ACACA: variants seen among roughly 807,000 people sequenced by gnomAD.
ACACA encodes acetyl-CoA carboxylase alpha.
Under a neutral mutation model 296.1 loss-of-function variants are expected in ACACA, and 103 were observed. That is an observed-to-expected ratio of 0.35 (90% confidence interval 0.30 to 0.41). The LOEUF (loss-of-function observed/expected upper bound fraction) is 0.41. Ranked by LOEUF, ACACA falls within the 10% of genes least tolerant of loss-of-function variation. ACACA has a pLI of 1.00. For synonymous variants in ACACA, 953 were observed against 1,038.6 expected (o/e 0.92, Z 1.58); for missense variants, 1,554 against 2,989.7 (o/e 0.52, Z 11.20).
At chr17:37,305,750 G>C (rs4572453) in intron 3 of ACACA, among the ~76,000 whole-genome samples, 56,506 of 151,976 alleles carry the variant, frequency 0.37, 14,214 homozygotes, top group African/African-American at 0.71. Context: ...AAACTCCCTT[G>C]AACCACAGCA....
chr17:37,348,167 A>AT (rs1247372088), intron 1 of ACACA, among the ~76,000 whole-genome samples: 157 of 151,230 alleles, frequency 1.0e-3, no homozygotes, highest in African/African-American at 3.5e-3. Context: ...AAAAAAAAAA[A>AT]ATTTAAAGTG....
chr17:37,359,994 G>A (rs770702465), intron 1 of ACACA, among the ~76,000 whole-genome samples: 10 of 152,094 alleles, frequency 6.6e-5, no homozygotes, highest in Non-Finnish European at 1.3e-4. Context: ...AGACTTTTCG[G>A]ATTGGAGAAT....
chr17:37,209,745 G>T (rs1190063674), intron 30 of ACACA, among the ~76,000 whole-genome samples: 1 of 152,124 alleles, frequency 6.6e-6, no homozygotes, highest in Non-Finnish European at 1.5e-5. Flanking sequence ...ACTTACTATT[G>T]CTTTTGCATT....
chr17:37,210,245 T>C (rs1275157240), intron 30 of ACACA, among the ~76,000 whole-genome samples: 1 of 152,158 alleles, frequency 6.6e-6, no homozygotes, highest in Non-Finnish European at 1.5e-5. Context: ...AGCTTCTCCA[T>C]ACTGAGGCTT....
intron 12 of ACACA, 88 bp downstream of exon 12, chr17:37,259,272 G>A: frequency 1.4e-6 from 2 of 1,420,900 alleles, no homozygotes; most frequent in Non-Finnish European, 2.0e-6. Flanking sequence ...GATAGGAGGT[G>A]CTTTTCTCTT....
intron 22 of ACACA, among the ~76,000 whole-genome samples, chr17:37,243,126 G>T (rs917943860): frequency 1.3e-5 from 2 of 152,116 alleles, no homozygotes; most frequent in African/African-American, 4.8e-5. Flanking sequence ...ATAGCCCCAG[G>T]AACAAAGCTA....
chr17:37,241,821 G>A (rs1182939804), intron 23 of ACACA, 132 bp downstream of exon 23: 2 of 716,676 alleles, frequency 2.8e-6, no homozygotes, highest in South Asian at 1.5e-5. Flanking sequence ...AAAAGACAAG[G>A]TACTTTCTAA....
intron 42 of ACACA, among the ~76,000 whole-genome samples, chr17:37,159,959 G>A (rs1444799742): frequency 1.3e-5 from 2 of 152,184 alleles, no homozygotes; most frequent in Non-Finnish European, 2.9e-5. Context: ...TAATGCTATT[G>A]TCAAATAACT....
chr17:37,377,489 A>C lies in ACACA; in HGVS notation c.38+28773T>G, dbSNP rs199640713. Among the ~76,000 whole-genome samples, 5 of 152,006 alleles carry C rather than the reference A, an allele frequency of 3.3e-5. No homozygotes were observed. The East Asian group carries it at 9.7e-4, about 30-fold the overall frequency. Reference sequence around the variant, plus strand: ...AGCATAGCCAAAATGGCGAAACCCCATCTCTACTAAAAATACAAAAATTAG... The same window carrying C: ...AGCATAGCCAAAATGGCGAAACCCCCTCTCTACTAAAAATACAAAAATTAG... On this transcript the variant is annotated intron_variant, in intron 1 of 55. Transcript: ENST00000616317.
At chr17:37,346,856 T>G (rs1335062829) in intron 1 of ACACA, among the ~76,000 whole-genome samples, 2 of 152,152 alleles carry the variant, frequency 1.3e-5, no homozygotes, top group African/African-American at 2.4e-5. Flanking sequence ...AGTAAATAAC[T>G]TGCTTTTGAT....
At chr17:37,317,107 A>G (rs1330200282) in intron 3 of ACACA, among the ~76,000 whole-genome samples, 2 of 151,648 alleles carry the variant, frequency 1.3e-5, no homozygotes, top group South Asian at 4.2e-4. Context: ...TTGCAATGAC[A>G]TGAGAAAGTG....
At chr17:37,264,002 G>A in intron 10 of ACACA, 108 bp from the exon 11 acceptor site, 1 of 862,680 alleles carries the variant, frequency 1.2e-6, no homozygotes, top group Non-Finnish European at 1.8e-6. Flanking sequence ...GAAGTGTCAG[G>A]AACCATGTTA....
chr17:37,145,647 C>G (rs1236841725), intron 45 of ACACA, among the ~76,000 whole-genome samples: 1 of 152,166 alleles, frequency 6.6e-6, no homozygotes, highest in Non-Finnish European at 1.5e-5. Flanking sequence ...CTCAATGAAA[C>G]TAAGTCACTT....
chr17:37,098,729 G>A (rs1045447442), intron 52 of ACACA, among the ~76,000 whole-genome samples: 4 of 152,224 alleles, frequency 2.6e-5, no homozygotes, highest in Non-Finnish European at 5.9e-5. Flanking sequence ...GAAGGAGGAT[G>A]TAAAAAGAGA....
chr17:37,281,470 C>A (rs769700333), intron 5 of ACACA, among the ~76,000 whole-genome samples: 1 of 152,158 alleles, frequency 6.6e-6, no homozygotes, highest in Non-Finnish European at 1.5e-5. Context: ...GTATTGAAAT[C>A]ATTTGTTTCC....
chr17:37,381,415 A>T (rs1382602219), intron 1 of ACACA, among the ~76,000 whole-genome samples: 1 of 151,772 alleles, frequency 6.6e-6, no homozygotes, highest in Non-Finnish European at 1.5e-5. Flanking sequence ...TGAACTCCTG[A>T]CTTCAAGTGT....
intron 1 of ACACA, chr17:37,365,852 G>T: frequency 2.2e-6 from 1 of 456,732 alleles, no homozygotes; most frequent in Non-Finnish European, 2.9e-6. Flanking sequence ...TGGCATTTCT[G>T]CTCTCACTCC....
intron 11 of ACACA, 147 bp downstream of exon 11, chr17:37,263,538 G>A (rs2081609544): frequency 6.9e-6 from 5 of 728,030 alleles, no homozygotes; most frequent in African/African-American, 1.8e-5. Context: ...GAGAACAGTA[G>A]AATTTTTTTT....
intron 18 of ACACA, 194 bp downstream of exon 18, chr17:37,247,817 G>T (rs2080788738): frequency 6.3e-6 from 4 of 634,114 alleles, no homozygotes; most frequent in Non-Finnish European, 1.1e-5. Context: ...ATACACTGGA[G>T]TGGTAGGGAG....
Sources: allele counts gnomAD v4.1 joint callset (sites outside exome capture counted in the v4.1 genomes callset), GRCh38; gene constraint gnomAD v4.1.1; transcripts MANE v1.5; gene names NCBI Gene and HGNC (gene_info 2026-07-23, HGNC 2026-07-21).